The following STXBP6 variants were observed in gnomAD, a reference collection of about 807,000 sequenced individuals.
STXBP6 encodes syntaxin binding protein 6, also known as syntaxin-binding protein 6.
STXBP6 carries 21 observed loss-of-function variants against 26.9 expected under a neutral mutation model. The ratio of observed to expected loss-of-function variants is 0.78; its 90% CI spans 0.55 to 1.12. STXBP6 has a LOEUF of 1.12. STXBP6 is among the 50% of genes most tolerant of loss of function. The pLI, the probability that STXBP6 is intolerant of heterozygous loss-of-function variation, is 0.00. For missense variants in STXBP6, 232 were observed against 257.9 expected (o/e 0.90, Z 0.69); for synonymous variants, 97 against 92.6 (o/e 1.05, Z -0.27).
chr14:24,945,369 T>C (rs571506452), intron 2 of STXBP6, among the ~76,000 whole-genome samples: 2 of 151,762 alleles, frequency 1.3e-5, no homozygotes, highest in African/African-American at 4.8e-5. Context: ...AGTTCAAGAC[T>C]AGCCTGGGCA....
chr14:24,902,640 A>C (rs140692887), intron 2 of STXBP6, among the ~76,000 whole-genome samples: 5 of 147,798 alleles, frequency 3.4e-5, no homozygotes, highest in Non-Finnish European at 7.6e-5. Context: ...GAGTTACGTA[A>C]ACTATTTGTC....
rs767778796 is a variant in STXBP6, at chr14:24,856,067, G to C, written c.320C>G (p.Ala107Gly). Residue 107 changes from alanine (A) to glycine (G), a missense_variant, in exon 4 of 6, where the codon GCT becomes GGT. By Grantham distance (60) the Ala-to-Gly change is moderately conservative (BLOSUM62 0). Transcript: ENST00000323944. The stretch of plus-strand genomic sequence containing the variant: ...TGTGCTGGCTACCCACTGGTCAAAA[G>C]CATTTTCAAACAACAAATCAAACTC... Reference protein sequence around the residue: ...SAEFDLLFENAFDQWVASTAS... With the variant: ...SAEFDLLFENGFDQWVASTAS... The C allele has an allele frequency of 6.2e-7, 1 of 1,605,178 alleles. No homozygotes were observed. The highest frequency in any genetic ancestry group is 8.5e-7 in the Non-Finnish European group (1 of 1,176,588).
chr14:24,844,404 G>A (rs767845962), intron 4 of STXBP6, among the ~76,000 whole-genome samples: 8 of 152,198 alleles, frequency 5.3e-5, no homozygotes, highest in African/African-American at 1.7e-4. Flanking sequence ...TAGCCAAGTC[G>A]GACAGACGTA....
At chr14:24,937,229 T>C (rs1259907609) in intron 2 of STXBP6, among the ~76,000 whole-genome samples, 1 of 152,154 alleles carries the variant, frequency 6.6e-6, no homozygotes, top group Non-Finnish European at 1.5e-5. Flanking sequence ...ATGGCACATG[T>C]ATACCCATGT....
Position 25,006,403 on chromosome 14 carries a change from A to C in STXBP6, c.-32-31553T>G, listed in dbSNP as rs536202095. Among the ~76,000 whole-genome samples the C allele has an allele frequency of 2.0e-5, 3 of 152,346 alleles. No homozygotes were observed. The Middle Eastern group carries it at 0.01, about 518-fold the overall frequency. ...TCTCTTGCTCTGTTTCTAAGGCTGC[A>C]TATGTATATGTGTGTGTATACATAC... On this transcript the variant is annotated intron_variant, in intron 1 of 5. Coordinates refer to ENST00000323944, the MANE Select transcript of STXBP6 (RefSeq NM_001394410.1).
At chr14:24,871,109 A>T (rs1244077278) in intron 2 of STXBP6, among the ~76,000 whole-genome samples, 1 of 150,346 alleles carries the variant, frequency 6.7e-6, no homozygotes, top group Admixed American at 6.6e-5. Flanking sequence ...GCATCCCATT[A>T]TGTTCTTTTT....
intron 1 of STXBP6, among the ~76,000 whole-genome samples, chr14:25,019,487 C>A (rs1424350898): frequency 6.6e-6 from 1 of 152,228 alleles, no homozygotes; most frequent in Non-Finnish European, 1.5e-5. Flanking sequence ...TTCATTCCTC[C>A]TTTTGCCTTT....
chr14:24,832,945 C>T (rs1262193515), intron 4 of STXBP6, among the ~76,000 whole-genome samples: 1 of 152,190 alleles, frequency 6.6e-6, no homozygotes, highest in Non-Finnish European at 1.5e-5. Context: ...CTAATGGCTA[C>T]TCTTTAAGAT....
At chr14:24,824,863 C>G (rs1019970098) in intron 4 of STXBP6, among the ~76,000 whole-genome samples, 3 of 152,104 alleles carry the variant, frequency 2.0e-5, no homozygotes, top group Non-Finnish European at 4.4e-5. Flanking sequence ...ATATTCTTAC[C>G]CTTATGTTAC....
chr14:24,840,335 G>C (rs1024015327), intron 4 of STXBP6, among the ~76,000 whole-genome samples: 1 of 152,212 alleles, frequency 6.6e-6, no homozygotes, highest in Non-Finnish European at 1.5e-5. Context: ...GAGGCCTCTT[G>C]AGCCTTTACT....
chr14:24,859,423 C>A (rs1030324795), intron 2 of STXBP6, among the ~76,000 whole-genome samples: 1 of 152,068 alleles, frequency 6.6e-6, no homozygotes, highest in Non-Finnish European at 1.5e-5. Flanking sequence ...ATATACACAT[C>A]GTATAGAGTT....
At chr14:25,016,989 T>C (rs965543886) in intron 1 of STXBP6, among the ~76,000 whole-genome samples, 18 of 152,178 alleles carry the variant, frequency 1.2e-4, no homozygotes, top group African/African-American at 4.3e-4. Context: ...GTGCGGAGTA[T>C]GCAGTTAAAC....
intron 2 of STXBP6, among the ~76,000 whole-genome samples, chr14:24,922,166 T>C (rs963175382): frequency 6.6e-5 from 10 of 152,118 alleles, no homozygotes; most frequent in African/African-American, 2.2e-4. Flanking sequence ...ATTTATCTCT[T>C]TCTGCCTTCT....
chr14:24,825,061 T>C (rs1050275743), intron 4 of STXBP6, among the ~76,000 whole-genome samples: 1 of 152,236 alleles, frequency 6.6e-6, no homozygotes, highest in African/African-American at 2.4e-5. Context: ...ACTCCTTTAT[T>C]GCAGAACTTT....
At chr14:24,950,258 T>TC (rs397796986) in intron 2 of STXBP6, among the ~76,000 whole-genome samples, 1 of 151,442 alleles carries the variant, frequency 6.6e-6, no homozygotes, top group African/African-American at 2.4e-5. Flanking sequence ...GTACCACCTT[T>TC]GGAAATCTGT....
intron 1 of STXBP6, among the ~76,000 whole-genome samples, chr14:24,977,156 G>A (rs2074070971): frequency 6.6e-6 from 1 of 151,894 alleles, no homozygotes; most frequent in Non-Finnish European, 1.5e-5. Context: ...GAGCCACCGC[G>A]CCCTGTCTCA....
At chr14:25,033,795 C>A (rs1021998754) in intron 1 of STXBP6, among the ~76,000 whole-genome samples, 1 of 152,228 alleles carries the variant, frequency 6.6e-6, no homozygotes, top group South Asian at 2.1e-4. Flanking sequence ...TAAAAACATT[C>A]TATAAAAGCA....
At chr14:24,943,811 T>C (rs776915127) in intron 2 of STXBP6, among the ~76,000 whole-genome samples, 44 of 152,356 alleles carry the variant, frequency 2.9e-4, no homozygotes, top group Non-Finnish European at 5.6e-4. Context: ...TTTTGAACGG[T>C]AGGAGCTCTA....
chr14:25,002,200 A>G (rs74037432), intron 1 of STXBP6, among the ~76,000 whole-genome samples: 3,433 of 152,282 alleles, frequency 0.023, 123 homozygotes, highest in African/African-American at 0.076. Flanking sequence ...TACTTTCAGG[A>G]TACTATAAGT....
Sources: gnomAD v4.1 joint callset for allele counts (sites outside exome capture counted in the v4.1 genomes callset) on GRCh38, gnomAD v4.1.1 for gene constraint, MANE v1.5 for transcripts, NCBI Gene and HGNC (gene_info 2026-07-23, HGNC 2026-07-21) for gene names.